The following CSN2 variants were observed in gnomAD, a reference collection of about 807,000 sequenced individuals.
CSN2 encodes the protein beta-casein.
Under a neutral mutation model 27.3 loss-of-function variants are expected in CSN2, and 27 were observed. The ratio of observed to expected loss-of-function variants is 0.99; its 90% confidence interval spans 0.73 to 1.36. The LOEUF (loss-of-function observed/expected upper bound fraction) is 1.36, where lower values mean the gene tolerates loss of function less well. CSN2 is among the 40% of genes most tolerant of loss of function. The pLI, the probability that CSN2 is intolerant of heterozygous loss-of-function variation, is 0.00. For missense variants in CSN2, 333 were observed against 264.5 expected (o/e 1.26, Z -1.80); for synonymous variants, 131 against 94.8 (o/e 1.38, Z -2.22).
chr4:69,963,575 C>T lies in CSN2; in HGVS notation c.-13+2106G>A, dbSNP rs71599925. On this transcript the variant is annotated intron_variant, in intron 1 of 7. Coordinates refer to ENST00000353151, the MANE Select transcript of CSN2 (RefSeq NM_001891.4). Reference sequence around the variant, plus strand: ...ACACAGGAAGGGGAACATCACACACCGGGGCTGTTGTGGGGTGGGGGGAGT... The same window carrying T: ...ACACAGGAAGGGGAACATCACACACTGGGGCTGTTGTGGGGTGGGGGGAGT... Among the ~76,000 whole-genome samples the T allele has an allele frequency of 4.9e-3, 705 of 143,862 alleles. 3 individuals are homozygous for T. The highest frequency in any genetic ancestry group is 7.4e-3 in the Non-Finnish European group (485 of 65,912). 94.4% of individuals were successfully genotyped at this position (143,862 alleles called of 152,430 possible).
chr4:69,961,370 A>T (rs80086427), intron 1 of CSN2, among the ~76,000 whole-genome samples: 3,041 of 152,276 alleles, frequency 0.02, 92 homozygotes, highest in African/African-American at 0.069. Context: ...AACACATCAA[A>T]AAGCTTATCC....
In CSN2 at chr4:69,957,879, C is replaced by T; in HGVS notation, c.145-75G>A. The T allele has an allele frequency of 2.4e-6, 3 of 1,268,776 alleles. No homozygotes were observed. In the South Asian group the frequency reaches 4.3e-5, roughly 18 times the overall value. 78.6% of individuals were successfully genotyped at this position (1,268,776 alleles called of 1,614,324 possible). The stretch of plus-strand genomic sequence containing the variant: ...CCATTCATAATGAATTCATTTCTCT[C>T]TTTTAGACAATGATAAATGAGTAAA... On this transcript the variant is annotated intron_variant, in intron 5 of 7. Coordinates refer to ENST00000353151, the MANE Select transcript of CSN2 (RefSeq NM_001891.4).
rs1723655236 is a variant in CSN2 at position 69,962,970 on chromosome 4, A to C, written c.-12-1963T>G. ...CAAAAGAAGACATTTATACAGCCAAAAATCACATGAAAAAATGCTCATCAT... is the reference window on the plus strand; with the variant it reads ...CAAAAGAAGACATTTATACAGCCAACAATCACATGAAAAAATGCTCATCAT... On this transcript the variant is annotated intron_variant, in intron 1 of 7. Transcript: ENST00000353151. Among the ~76,000 whole-genome samples the C allele has an allele frequency of 2.6e-5, 4 of 152,324 alleles. No individual in the cohort carries two copies. In the South Asian group the frequency reaches 6.2e-4, roughly 24 times the overall value.
At position 69,962,466 on chromosome 4, in the gene CSN2, C is replaced by T. The variant is rs139513790; in HGVS notation, c.-12-1459G>A. 2.7e-3 allele frequency among the ~76,000 whole-genome samples: 418 copies of T among 152,162 alleles called. 4 individuals are homozygous for T. Among genetic ancestry groups the T allele is most frequent in the African/African-American group, 9.8e-3 (407 of 41,504 alleles). On this transcript the variant is annotated intron_variant, in intron 1 of 7. Coordinates refer to ENST00000353151, the MANE Select transcript of CSN2 (RefSeq NM_001891.4). Reference sequence around the variant, plus strand: ...ACTATCTGATCTTTGACAAAGCTGACAAAAACAAGCAATGGGGAAAGGATT... The same window carrying T: ...ACTATCTGATCTTTGACAAAGCTGATAAAAACAAGCAATGGGGAAAGGATT...
Position 69,960,943 on chromosome 4 carries a change from A to G in CSN2, c.51+2T>C. 6.2e-7 allele frequency: 1 copy of G among 1,612,324 alleles called. No homozygotes were observed. On this transcript the variant is annotated splice_donor_variant, in intron 2 of 7. Coordinates refer to ENST00000353151, the MANE Select transcript of CSN2 (RefSeq NM_001891.4). LOFTEE classifies it high-confidence loss of function. ...TTTAGGAATTTTTTCTTGTGCACAT[A>G]CCTCCCTTGCAAGAGCAAGAGCCAC...
intron 5 of CSN2, among the ~76,000 whole-genome samples, chr4:69,958,567 G>A (rs939583463): frequency 1.2e-4 from 18 of 151,954 alleles, no homozygotes; most frequent in African/African-American, 3.6e-4. Flanking sequence ...TTTACCAGCC[G>A]TATACACCTT....
At chr4:69,962,847 G>T (rs1723645066) in intron 1 of CSN2, among the ~76,000 whole-genome samples, 1 of 152,056 alleles carries the variant, frequency 6.6e-6, no homozygotes, top group Non-Finnish European at 1.5e-5. Flanking sequence ...CTGACAAAGG[G>T]CTAATATCCA....
At position 69,958,931 on chromosome 4, in the gene CSN2, T is replaced by G; in HGVS notation, c.122A>C (p.His41Pro). Residue 41 changes from histidine to proline, a missense_variant, in exon 5 of 8, where the codon CAT becomes CCT. Physicochemically the swap from His to Pro is moderately conservative, Grantham distance 77. Coordinates refer to ENST00000353151, the MANE Select transcript of CSN2 (RefSeq NM_001891.4). ...TACCTCTCCTTGCTGCTGGTCCTCA[T>G]GTTTAACCTTCTCAACTTTCTGCTA... ...EYKQKVEKVK[H>P]EDQQQGEDEH... The G allele has an allele frequency of 6.3e-7, 1 of 1,597,100 alleles. No homozygotes were observed. Among genetic ancestry groups the G allele is most frequent in the East Asian group, 2.3e-5 (1 of 44,434 alleles).
Position 69,958,896 on chromosome 4 carries a change from A to C in CSN2, c.144+13T>G, listed in dbSNP as rs1313010523. 1 of 1,546,990 alleles carries C rather than the reference A, an allele frequency of 6.5e-7. No individual in the cohort carries two copies. ...TAATAATTTTAAACATATACTTATC[A>C]TTAACAAATTACCTCTCCTTGCTGC... On this transcript the variant is annotated intron_variant, in intron 5 of 7. Coordinates refer to ENST00000353151, the MANE Select transcript of CSN2 (RefSeq NM_001891.4).
intron 1 of CSN2, among the ~76,000 whole-genome samples, chr4:69,964,466 A>C (rs1236150484): frequency 6.6e-6 from 1 of 152,128 alleles, no homozygotes; most frequent in Non-Finnish European, 1.5e-5. Context: ...GAACTAAAAT[A>C]CTTCATCAAA....
intron 7 of CSN2, 42 bp from the exon 8 acceptor site, chr4:69,955,634 C>T (rs1040435643): frequency 3.3e-5 from 5 of 152,460 alleles, no homozygotes; most frequent in Non-Finnish European, 7.4e-5. Context: ...TATGTTATAA[C>T]ACGTAACTAT....
intron 6 of CSN2, 108 bp downstream of exon 6, chr4:69,957,166 A>G: frequency 1.8e-6 from 2 of 1,139,358 alleles, no homozygotes; most frequent in East Asian, 2.6e-5. Context: ...TAAAAGAATC[A>G]CTTATCTAAA....
At chr4:69,959,008 G>T in intron 4 of CSN2, 41 bp downstream of exon 4, 1 of 1,517,040 alleles carries the variant, frequency 6.6e-7, no homozygotes, top group Non-Finnish European at 9.0e-7. Context: ...TTAAAAGGAG[G>T]AAATTTTGAA....
Position 69,957,333 on chromosome 4 carries a change from G to T in CSN2, c.616C>A (p.Pro206Thr), listed in dbSNP as rs758653013. ...GTCACAGGGTAGATCTGGTGGGTGG[G>T]GTTAAGTAGAAGTTCTTGGTTGAGC... is the stretch of plus-strand genomic sequence containing the variant. ...LLLNQELLLN[P>T]THQIYPVTQP... is the part of the protein sequence containing the mutation. Residue 206 changes from proline to threonine, a missense_variant, in exon 6 of 8, where the codon CCC becomes ACC. Coordinates refer to ENST00000353151, the MANE Select transcript of CSN2 (RefSeq NM_001891.4). The T allele has an allele frequency of 1.9e-6, 3 of 1,601,492 alleles. 1 individual carries two copies. In the East Asian group the frequency reaches 7.1e-5, roughly 38 times the overall value.
At chr4:69,958,251 A>G (rs1435472726) in intron 5 of CSN2, among the ~76,000 whole-genome samples, 1 of 152,148 alleles carries the variant, frequency 6.6e-6, no homozygotes, top group Non-Finnish European at 1.5e-5. Flanking sequence ...TTTTGGTTTG[A>G]TGAAAAAGAA....
At chr4:69,955,914 T>C (rs570000216) in intron 7 of CSN2, among the ~76,000 whole-genome samples, 1 of 152,216 alleles carries the variant, frequency 6.6e-6, no homozygotes, top group African/African-American at 2.4e-5. Flanking sequence ...TAAAAGATAA[T>C]TTTAAGTAAA....
At chr4:69,961,933 C>G (rs1723604825) in intron 1 of CSN2, among the ~76,000 whole-genome samples, 1 of 152,084 alleles carries the variant, frequency 6.6e-6, no homozygotes, top group Non-Finnish European at 1.5e-5. Context: ...TTCATATACA[C>G]CAATAACAGA....
chr4:69,965,359 A>AT (rs1156797637), intron 1 of CSN2, among the ~76,000 whole-genome samples: 25 of 37,968 alleles, frequency 6.6e-4, no homozygotes, highest in Non-Finnish European at 1.1e-3. Context: ...TGGAAGATTA[A>AT]TTAAAAAAAT....
chr4:69,958,886 T>A (rs1723482799), intron 5 of CSN2, 23 bp downstream of exon 5: 1 of 1,483,756 alleles, frequency 6.7e-7, no homozygotes, highest in Admixed American at 1.7e-5. Flanking sequence ...ATTTTAAACA[T>A]ATACTTATCA....
Sources: allele counts gnomAD v4.1 joint callset (sites outside exome capture counted in the v4.1 genomes callset), GRCh38; gene constraint gnomAD v4.1.1; transcripts MANE v1.5; gene names NCBI Gene and HGNC (gene_info 2026-07-23, HGNC 2026-07-21).